DENND1B: variants seen among roughly 807,000 people sequenced by gnomAD.
The protein encoded by DENND1B is DENN domain containing 1B, also known as DENN domain-containing protein 1B.
A neutral mutation model predicts 90.1 loss-of-function variants in DENND1B; 59 were observed. The observed-to-expected ratio is 0.65, with a 90% CI of 0.53 to 0.81. The LOEUF (loss-of-function observed/expected upper bound fraction) is 0.81. Among genes scored for constraint, DENND1B ranks in the 40% least tolerant of loss-of-function variants. The probability of loss-of-function intolerance (pLI) is 0.00; values close to 1 mark genes in which losing one functional copy is unlikely to be tolerated. For synonymous variants in DENND1B, 337 were observed against 324.6 expected (o/e 1.04, Z -0.41); for missense variants, 862 against 912.6 (o/e 0.94, Z 0.71).
chr1:197,645,139 T>C (rs1189201666), intron 9 of DENND1B, among the ~76,000 whole-genome samples: 1 of 152,120 alleles, frequency 6.6e-6, no homozygotes, highest in East Asian at 1.9e-4. Context: ...AATGAAAATT[T>C]TAGCAATTTT....
chr1:197,632,318 AT>A (rs1679397292), intron 10 of DENND1B, among the ~76,000 whole-genome samples: 1 of 152,160 alleles, frequency 6.6e-6, no homozygotes, highest in Admixed American at 6.6e-5. Context: ...CCCCAGATAG[AT>A]TTTGTAGTCT....
chr1:197,517,875 G>A (rs1342409248), intron 20 of DENND1B, among the ~76,000 whole-genome samples: 1 of 151,736 alleles, frequency 6.6e-6, no homozygotes, highest in African/African-American at 2.4e-5. Context: ...GGGCTGACAT[G>A]CTACCAAAAC....
At chr1:197,547,267 CTTT>C (rs11339608) in intron 16 of DENND1B, among the ~76,000 whole-genome samples, 1 of 145,386 alleles carries the variant, frequency 6.9e-6, no homozygotes. Context: ...GACCCCATCT[CTTT>C]TTTTTTTTTT....
At chr1:197,778,144 C>T (rs888062775), upstream of DENND1B, among the ~76,000 whole-genome samples, 6 of 152,126 alleles carry the variant, frequency 3.9e-5, no homozygotes, top group Admixed American at 3.9e-4. Context: ...AACCATTCAT[C>T]ATTATGTTGT....
chr1:197,579,935 A>G (rs1674047739), intron 15 of DENND1B, among the ~76,000 whole-genome samples: 1 of 151,974 alleles, frequency 6.6e-6, no homozygotes, highest in African/African-American at 2.4e-5. Flanking sequence ...TTCTTCTTTC[A>G]ACATGTTAAA....
chr1:197,515,610 A>T (rs1668339799), intron 20 of DENND1B, among the ~76,000 whole-genome samples: 1 of 151,828 alleles, frequency 6.6e-6, no homozygotes, highest in Non-Finnish European at 1.5e-5. Flanking sequence ...GCTATCAATT[A>T]AAATCACTGC....
chr1:197,559,991 A>G (rs1672030308), intron 15 of DENND1B, among the ~76,000 whole-genome samples: 1 of 151,978 alleles, frequency 6.6e-6, no homozygotes, highest in African/African-American at 2.4e-5. Context: ...AGGTAATGAG[A>G]TGACTATCAG....
intron 13 of DENND1B, among the ~76,000 whole-genome samples, chr1:197,597,347 C>T (rs567872361): frequency 3.9e-4 from 59 of 151,220 alleles, no homozygotes; most frequent in African/African-American, 1.1e-3. Context: ...AAAAAGATTA[C>T]GATGTAAGGA....
chr1:197,549,516 T>C (rs1417788512), intron 16 of DENND1B, among the ~76,000 whole-genome samples: 1 of 152,126 alleles, frequency 6.6e-6, no homozygotes, highest in Non-Finnish European at 1.5e-5. Flanking sequence ...ATTTCTCCTG[T>C]TTAAAGTTGA....
intron 3 of DENND1B, among the ~76,000 whole-genome samples, chr1:197,683,034 G>A (rs539610652): frequency 1.5e-3 from 227 of 152,212 alleles, no homozygotes; most frequent in African/African-American, 5.2e-3. Context: ...GTGTTTGTCT[G>A]GGGTAGGGGG....
chr1:197,748,663 C>A lies in DENND1B; in HGVS notation c.82+24205G>T, dbSNP rs563437951. On this transcript the variant is annotated intron_variant, in intron 2 of 22. Coordinates refer to ENST00000620048, the MANE Select transcript of DENND1B (RefSeq NM_001195215.2). ...GCCAAGAGCCAAGGAAGGCAGGCAG[C>A]CCCTTAGAAGCTGAAAAAGGAAAGA... 2.2e-4 allele frequency among the ~76,000 whole-genome samples: 33 copies of A among 152,276 alleles called. 1 individual carries two copies. The South Asian group carries it at 6.8e-3, about 32-fold the overall frequency.
upstream of DENND1B, among the ~76,000 whole-genome samples, chr1:197,776,343 T>C (rs1450757742): frequency 6.6e-6 from 1 of 152,198 alleles, no homozygotes; most frequent in Non-Finnish European, 1.5e-5. Context: ...GCTGATTATT[T>C]ACTTCTACCT....
intron 13 of DENND1B, 174 bp downstream of exon 13, chr1:197,606,899 T>G (rs1676730815): frequency 1.8e-6 from 1 of 560,938 alleles, no homozygotes; most frequent in African/African-American, 2.0e-5. Context: ...ATTCAAAATC[T>G]CAACTGCTAA....
chr1:197,770,804 A>G (rs1656457304), intron 2 of DENND1B, among the ~76,000 whole-genome samples: 1 of 139,504 alleles, frequency 7.2e-6, no homozygotes, highest in South Asian at 2.1e-4. Context: ...CTATAAATAT[A>G]TATATAAATA....
At chr1:197,660,079 T>G (rs927118137) in intron 5 of DENND1B, among the ~76,000 whole-genome samples, 1 of 151,244 alleles carries the variant, frequency 6.6e-6, no homozygotes, top group African/African-American at 2.4e-5. Flanking sequence ...TTCTAAAAAG[T>G]AAAGATAGAA....
At position 197,672,034 on chromosome 1, in the gene DENND1B, C is replaced by A; in HGVS notation, c.296+3G>T. The stretch of plus-strand genomic sequence containing the variant: ...TCTAATTTTTTTTACTACAAATACT[C>A]ACCTAAGGATGCATAAACAAATTGT... On this transcript the variant is annotated splice_donor_region_variant and intron_variant, in intron 5 of 22. Coordinates refer to ENST00000620048, the MANE Select transcript of DENND1B (RefSeq NM_001195215.2). The A allele has an allele frequency of 6.2e-7, 1 of 1,610,100 alleles. No individual in the cohort carries two copies.
At chr1:197,753,392 G>A (rs924337156) in intron 2 of DENND1B, among the ~76,000 whole-genome samples, 1 of 152,052 alleles carries the variant, frequency 6.6e-6, no homozygotes, top group Admixed American at 6.5e-5. Flanking sequence ...ATCAAGGGTT[G>A]GAGGTAAGAA....
At chr1:197,708,008 C>A (rs1014627564) in intron 3 of DENND1B, among the ~76,000 whole-genome samples, 3 of 151,690 alleles carry the variant, frequency 2.0e-5, no homozygotes, top group Admixed American at 6.6e-5. Flanking sequence ...CCGAATATTG[C>A]GCTTTTCAGA....
chr1:197,642,394 A>G (rs1038854826), intron 10 of DENND1B, among the ~76,000 whole-genome samples: 3 of 152,190 alleles, frequency 2.0e-5, no homozygotes, highest in Non-Finnish European at 4.4e-5. Flanking sequence ...ACAAGTGAAT[A>G]ATAAAAATCT....
Sources: allele counts gnomAD v4.1 joint callset (sites outside exome capture counted in the v4.1 genomes callset), GRCh38; gene constraint gnomAD v4.1.1; transcripts MANE v1.5; gene names NCBI Gene and HGNC (gene_info 2026-07-23, HGNC 2026-07-21).